ZNF138: variants seen among roughly 807,000 people sequenced by gnomAD.
ZNF138 encodes zinc finger protein 138.
Under a neutral mutation model 33.0 loss-of-function variants are expected in ZNF138, and 33 were observed. That is an observed-to-expected ratio of 1.00 (90% CI 0.76 to 1.34). The LOEUF (loss-of-function observed/expected upper bound fraction) is 1.34. Among genes scored for constraint, ZNF138 ranks in the 40% most tolerant of loss-of-function variants. The pLI, the probability that ZNF138 is intolerant of heterozygous loss-of-function variation, is 0.00. For missense variants in ZNF138, 360 were observed against 370.8 expected, an observed-to-expected ratio of 0.97 and a Z score of 0.24; for synonymous variants, 139 against 120.4, an observed-to-expected ratio of 1.15 and a Z score of -1.01.
intron 1 of ZNF138, among the ~76,000 whole-genome samples, chr7:64,809,768 A>G (rs1416615167): frequency 7.2e-6 from 1 of 139,172 alleles, no homozygotes; most frequent in Non-Finnish European, 1.6e-5. Context: ...GATGCTCCTC[A>G]CCTCCCAGAC....
Position 64,799,787 on chromosome 7 carries a change from G to A in ZNF138, c.3+5216G>A, listed in dbSNP as rs138335307. 2.3e-3 allele frequency among the ~76,000 whole-genome samples: 357 copies of A among 152,130 alleles called. 10 individuals are homozygous for A. In the East Asian group the frequency reaches 0.066, roughly 28 times the overall value. ...GCCTGCCAAGTAGCTGGGATTACAGGCCTGTGCCACCACGCCTGGCTAATT... is the reference window on the plus strand; with the variant it reads ...GCCTGCCAAGTAGCTGGGATTACAGACCTGTGCCACCACGCCTGGCTAATT... On this transcript the variant is annotated intron_variant, in intron 1 of 3. Transcript: ENST00000307355.
chr7:64,849,806 C>A, the ZNF138 span, among the ~76,000 whole-genome samples: 1 of 152,070 alleles, frequency 6.6e-6, no homozygotes, highest in Non-Finnish European at 1.5e-5. Flanking sequence ...ATGCTCCCCA[C>A]CCCCAAGAGC....
At chr7:64,820,074 G>A (rs989776421) in intron 3 of ZNF138, among the ~76,000 whole-genome samples, 2 of 16,156 alleles carry the variant, frequency 1.2e-4, no homozygotes, top group African/African-American at 7.1e-4. Flanking sequence ...CTCTGTCCCC[G>A]CAAAAAAGCT....
chr7:64,844,672 T>TTTTGTTTTGTTTTGTTTTG, the ZNF138 span, among the ~76,000 whole-genome samples: 3 of 150,464 alleles, frequency 2.0e-5, no homozygotes, highest in Middle Eastern at 3.2e-3. Flanking sequence ...TTTATGTGTT[T>TTTTGTTTTGTTTTGTTTTG]TTTTGTTTTG....
chr7:64,803,526 G>C (rs979939934), intron 1 of ZNF138, among the ~76,000 whole-genome samples: 1 of 152,120 alleles, frequency 6.6e-6, no homozygotes, highest in African/African-American at 2.4e-5. Flanking sequence ...GGAGTCTGTG[G>C]TTGTGCTTTG....
intron 2 of ZNF138, 58 bp downstream of exon 2, chr7:64,815,102 T>C (rs1788507632): frequency 1.4e-6 from 2 of 1,422,034 alleles, no homozygotes; most frequent in Non-Finnish European, 1.8e-6. Context: ...ATTTTTTTTT[T>C]TTTTTGGGTA....
At chr7:64,818,252 C>G (rs192238370) in intron 3 of ZNF138, among the ~76,000 whole-genome samples, 1,970 of 152,058 alleles carry the variant, frequency 0.013, 42 homozygotes, top group African/African-American at 0.045. Context: ...TCCCAATGTG[C>G]TGGGATTACA....
At chr7:64,803,423 A>G (rs955998886) in intron 1 of ZNF138, among the ~76,000 whole-genome samples, 1 of 152,220 alleles carries the variant, frequency 6.6e-6, no homozygotes, top group Non-Finnish European at 1.5e-5. Flanking sequence ...AGCTCCTTTG[A>G]CAGAAAACAG....
chr7:64,852,490 G>A, the ZNF138 span: 2 of 1,580,782 alleles, frequency 1.3e-6, no homozygotes, highest in South Asian at 1.1e-5. Flanking sequence ...TGGCTGTGTG[G>A]TTGCCCTTCT....
chr7:64,805,218 G>A (rs1787479993), intron 1 of ZNF138, among the ~76,000 whole-genome samples: 1 of 152,128 alleles, frequency 6.6e-6, no homozygotes, highest in African/African-American at 2.4e-5. Flanking sequence ...CCAACATGGT[G>A]AAACCCCGTC....
In ZNF138 at chr7:64,799,503, A is replaced by G. The variant is rs1369049708; in HGVS notation, c.3+4932A>G. The stretch of plus-strand genomic sequence containing the variant: ...ATCCATGAGCATAAAGTAATTTTCA[A>G]TATATTTGTGTCATATCTGACTTAT... On this transcript the variant is annotated intron_variant, in intron 1 of 3. Coordinates refer to ENST00000307355, the MANE Select transcript of ZNF138 (RefSeq NM_001271639.2). Among the ~76,000 whole-genome samples the G allele has an allele frequency of 2.0e-5, 3 of 152,142 alleles. No individual in the cohort carries two copies. In the East Asian group the frequency reaches 5.8e-4, roughly 30 times the overall value.
chr7:64,809,778 CG>C lies in ZNF138; in HGVS notation c.4-5136del, dbSNP rs1351472042. On this transcript the variant is annotated intron_variant, in intron 1 of 3. Coordinates refer to ENST00000307355, the MANE Select transcript of ZNF138 (RefSeq NM_001271639.2). ...GCAGAGATGCTCCTCACCTCCCAGA[CG>C]GGGTCGCGGCCGGGCAGAGGTGCTC... Among the ~76,000 whole-genome samples, 99 of 138,784 alleles carry C rather than the reference CG, an allele frequency of 7.1e-4. 1 individual carries two copies. The highest frequency in any genetic ancestry group is 2.6e-3 in the African/African-American group (96 of 37,058). 91.0% of individuals were successfully genotyped at this position (138,784 alleles called of 152,430 possible).
At chr7:64,844,440 G>C in the ZNF138 span, among the ~76,000 whole-genome samples, 1 of 152,014 alleles carries the variant, frequency 6.6e-6, no homozygotes, top group African/African-American at 2.4e-5. Context: ...TAGCAAAAGG[G>C]AACTTGGGCT....
the ZNF138 span, among the ~76,000 whole-genome samples, chr7:64,850,196 A>T: frequency 1.3e-5 from 2 of 152,192 alleles, no homozygotes; most frequent in African/African-American, 4.8e-5. Flanking sequence ...CAGATTTCTT[A>T]TTCCATGTTC....
At position 64,832,119 on chromosome 7, in the gene ZNF138, A is replaced by T; in HGVS notation, c.877A>T (p.Thr293Ser). Reference protein sequence around the residue: ...QCGKVFKQSPTLTKHQIIYTG... With the variant: ...QCGKVFKQSPSLTKHQIIYTG... ...TGGCAAGGTCTTTAAGCAGTCCCCA[A>T]CCCTTACTAAACATCAGATAATTTA... The change falls in exon 4 of 4, where the codon ACC becomes TCC. Residue 293 changes from threonine to serine, a missense_variant. Physicochemically the swap from Thr to Ser is moderately conservative, Grantham distance 58. Transcript: ENST00000307355. The T allele has an allele frequency of 1.2e-6, 2 of 1,613,262 alleles. No homozygotes were observed. The highest frequency in any genetic ancestry group is 1.7e-6 in the Non-Finnish European group (2 of 1,179,832).
chr7:64,839,607 AG>A, the ZNF138 span, among the ~76,000 whole-genome samples: 4,981 of 152,198 alleles, frequency 0.033, 273 homozygotes, highest in African/African-American at 0.11. Context: ...AGGAAAAAGG[AG>A]GGGTACTCAC....
At chr7:64,809,830 G>T (rs1417770021) in intron 1 of ZNF138, among the ~76,000 whole-genome samples, 1 of 121,042 alleles carries the variant, frequency 8.3e-6, no homozygotes, top group Non-Finnish European at 1.7e-5. Context: ...GGGCGGCGGG[G>T]CAGAGGCGCT....
chr7:64,794,669 G>A (rs1786544204), intron 1 of ZNF138, 98 bp downstream of exon 1: 1 of 1,572,860 alleles, frequency 6.4e-7, no homozygotes, highest in Non-Finnish European at 8.7e-7. Context: ...CCCGCAGTCG[G>A]CTGCAAAATC....
chr7:64,847,581 C>A, the ZNF138 span, among the ~76,000 whole-genome samples: 1 of 151,958 alleles, frequency 6.6e-6, no homozygotes, highest in Non-Finnish European at 1.5e-5. Flanking sequence ...TTCTGTTGAA[C>A]AAGGCCTTTT....
Sources: allele counts gnomAD v4.1 joint callset (sites outside exome capture counted in the v4.1 genomes callset), GRCh38; gene constraint gnomAD v4.1.1; transcripts MANE v1.5; gene names NCBI Gene and HGNC (gene_info 2026-07-23, HGNC 2026-07-21).